EXOC2: variants seen among roughly 807,000 people sequenced by gnomAD.
The protein encoded by EXOC2 is exocyst complex component 2, also known as SEC5-like 1.
A neutral mutation model predicts 131.8 loss-of-function variants in EXOC2; 70 were observed. That is an observed-to-expected ratio of 0.53 (90% confidence interval 0.44 to 0.65). The LOEUF (loss-of-function observed/expected upper bound fraction) is 0.65. Among genes scored for constraint, EXOC2 ranks in the 30% least tolerant of loss-of-function variants. The probability of loss-of-function intolerance (pLI) is 0.00; values close to 1 mark genes in which losing one functional copy is unlikely to be tolerated. For synonymous variants in EXOC2, 411 were observed against 398.4 expected, an observed-to-expected ratio of 1.03 and a Z score of -0.38; for missense variants, 923 against 1,108.6, an observed-to-expected ratio of 0.83 and a Z score of 2.38.
chr6:513,129 A>G (rs547946031), intron 23 of EXOC2, among the ~76,000 whole-genome samples: 12 of 152,348 alleles, frequency 7.9e-5, no homozygotes, highest in South Asian at 6.2e-4. Context: ...TTTGGCGGGC[A>G]TAAACACTCA....
intron 23 of EXOC2, among the ~76,000 whole-genome samples, chr6:512,892 G>GT (rs1287402999): frequency 7.9e-5 from 12 of 152,194 alleles, no homozygotes; most frequent in Admixed American, 7.9e-4. Context: ...TGTGAAAGCA[G>GT]TAAGTAAACT....
chr6:659,972 G>A (rs545736150), intron 1 of EXOC2, among the ~76,000 whole-genome samples: 2 of 148,110 alleles, frequency 1.4e-5, no homozygotes, highest in Non-Finnish European at 1.5e-5. Context: ...AGATTTTCAA[G>A]CCGTCTTGCC....
chr6:530,506 G>A (rs1048658840), intron 23 of EXOC2, among the ~76,000 whole-genome samples: 2 of 152,250 alleles, frequency 1.3e-5, no homozygotes, highest in Non-Finnish European at 2.9e-5. Context: ...GGAGCATCAC[G>A]AATGGAGGTA....
chr6:489,011 G>A lies in EXOC2; in HGVS notation c.2649C>T (p.Ala883=). The change falls in exon 27 of 28, where the codon GCC becomes GCT. Residue 883 remains alanine, a synonymous_variant. Coordinates refer to ENST00000230449, the MANE Select transcript of EXOC2 (RefSeq NM_018303.6). ...SKSSFKQALE[A]LPQLSSGADK... ...CTGCTCCACTGGAAAGCTGGGGCAGGGCTTCCAAAGCCTGCTTAAAACTTG... is the reference window on the plus strand; with the variant it reads ...CTGCTCCACTGGAAAGCTGGGGCAGAGCTTCCAAAGCCTGCTTAAAACTTG... 1 of 1,613,882 alleles carries A rather than the reference G, an allele frequency of 6.2e-7. No individual in the cohort carries two copies. The highest frequency in any genetic ancestry group is 8.5e-7 in the Non-Finnish European group (1 of 1,179,884).
intron 17 of EXOC2, among the ~76,000 whole-genome samples, chr6:557,878 A>G (rs1757506821): frequency 6.6e-6 from 1 of 152,154 alleles, no homozygotes; most frequent in Non-Finnish European, 1.5e-5. Flanking sequence ...GCGTGTCACA[A>G]CCAACAAACA....
rs772461309 is a variant in EXOC2, at chr6:564,660, G to C, written c.1552C>G (p.Arg518Gly). Residue 518 changes from arginine to glycine, a missense_variant, in exon 15 of 28, where the codon CGC becomes GGC. Transcript: ENST00000230449. Reference sequence around the variant, plus strand: ...ATGCTGAGGGGAAGCAGGGCTCCGCGGGTAAGCTTCACCAGGGAGTGCATT... The same window carrying C: ...ATGCTGAGGGGAAGCAGGGCTCCGCCGGTAAGCTTCACCAGGGAGTGCATT... ...EVMHSLVKLT[R>G]GALLPLSIRD... 36 of 1,609,310 alleles carry C rather than the reference G, an allele frequency of 2.2e-5. No homozygotes were observed. The highest frequency in any genetic ancestry group is 3.1e-5 in the Non-Finnish European group (36 of 1,177,846).
intron 22 of EXOC2, among the ~76,000 whole-genome samples, chr6:538,293 TAACTC>T (rs944964151): frequency 1.3e-5 from 2 of 152,230 alleles, no homozygotes; most frequent in African/African-American, 4.8e-5. Context: ...CTATTTCTAT[TAACTC>T]AACAGCCTCA....
chr6:684,222 C>A (rs1316716490), intron 1 of EXOC2, among the ~76,000 whole-genome samples: 2 of 152,066 alleles, frequency 1.3e-5, no homozygotes, highest in African/African-American at 2.4e-5. Flanking sequence ...GGAGGGGAGA[C>A]AGGAGAGTCT....
chr6:486,967 TTA>T (rs2127461036), intron 27 of EXOC2, among the ~76,000 whole-genome samples: 2 of 152,324 alleles, frequency 1.3e-5, no homozygotes, highest in East Asian at 3.9e-4. Flanking sequence ...GATAACGTAT[TTA>T]TGTTTGTACA....
At chr6:545,493 A>G (rs1253201966) in intron 22 of EXOC2, among the ~76,000 whole-genome samples, 1 of 152,186 alleles carries the variant, frequency 6.6e-6, no homozygotes. Context: ...TTAACTCTCT[A>G]AGAGCCTTCA....
chr6:617,634 C>A, intron 6 of EXOC2, 77 bp downstream of exon 6: 1 of 1,527,342 alleles, frequency 6.5e-7, no homozygotes, highest in Non-Finnish European at 8.8e-7. Context: ...GAGTGTCACA[C>A]CCTGTAAACA....
At chr6:593,055 A>C (rs1759629702) in intron 10 of EXOC2, among the ~76,000 whole-genome samples, 2 of 152,186 alleles carry the variant, frequency 1.3e-5, no homozygotes, top group African/African-American at 4.8e-5. Flanking sequence ...GCAAACAAAA[A>C]ATAAAAAAAT....
At chr6:496,878 C>T (rs1028978084) in intron 25 of EXOC2, among the ~76,000 whole-genome samples, 11 of 152,184 alleles carry the variant, frequency 7.2e-5, no homozygotes, top group Non-Finnish European at 1.0e-4. Flanking sequence ...CAGAAGTGCA[C>T]GCTTCCATCT....
chr6:669,924 C>G (rs1168280694), intron 1 of EXOC2: 1 of 152,278 alleles, frequency 6.6e-6, no homozygotes, highest in Non-Finnish European at 1.5e-5. Context: ...CAGTGCCTCT[C>G]TTACTGGGGT....
intron 1 of EXOC2, among the ~76,000 whole-genome samples, chr6:686,818 C>T (rs962026986): frequency 6.6e-6 from 1 of 152,170 alleles, no homozygotes; most frequent in South Asian, 2.1e-4. Context: ...GACTTCCAAC[C>T]GATGCCACTG....
intron 1 of EXOC2, among the ~76,000 whole-genome samples, chr6:663,173 C>T (rs938114391): frequency 6.6e-6 from 1 of 152,132 alleles, no homozygotes; most frequent in Admixed American, 6.5e-5. Flanking sequence ...AACACCTTTA[C>T]ACACATAAAT....
intron 17 of EXOC2, 54 bp from the exon 18 acceptor site, chr6:556,618 A>G: frequency 1.3e-6 from 2 of 1,586,092 alleles, no homozygotes; most frequent in Non-Finnish European, 1.7e-6. Context: ...GGCTGTGAAG[A>G]CATGTTTAAC....
intron 2 of EXOC2, among the ~76,000 whole-genome samples, chr6:636,343 T>C (rs1395785915): frequency 6.6e-6 from 1 of 152,188 alleles, no homozygotes; most frequent in African/African-American, 2.4e-5. Context: ...CAGGAATAAA[T>C]TGAAGTGATG....
At chr6:504,011 C>CTG (rs1349469895) in intron 23 of EXOC2, among the ~76,000 whole-genome samples, 1 of 152,244 alleles carries the variant, frequency 6.6e-6, no homozygotes, top group African/African-American at 2.4e-5. Context: ...TTTCAAACAC[C>CTG]TGTGTCCAAA....
Sources: gnomAD v4.1 joint callset for allele counts (sites outside exome capture counted in the v4.1 genomes callset) on GRCh38, gnomAD v4.1.1 for gene constraint, MANE v1.5 for transcripts, NCBI Gene and HGNC (gene_info 2026-07-23, HGNC 2026-07-21) for gene names.